Variants in CNTNAP2 observed in about 807,000 individuals in gnomAD.
CNTNAP2 encodes the protein contactin associated protein 2.
CNTNAP2 carries 98 observed loss-of-function variants against 155.2 expected under a neutral mutation model. The ratio of observed to expected loss-of-function variants is 0.63; its 90% CI spans 0.54 to 0.75. CNTNAP2 has a LOEUF of 0.75. CNTNAP2 is among the 30% of genes least tolerant of loss of function. The pLI is 0.00. For synonymous variants in CNTNAP2, 651 were observed against 631.2 expected (o/e 1.03, Z -0.47); for missense variants, 1,727 against 1,688.1 (o/e 1.02, Z -0.40).
At chr7:146,352,131 T>C (rs1292356306) in intron 1 of CNTNAP2, among the ~76,000 whole-genome samples, 1 of 152,214 alleles carries the variant, frequency 6.6e-6, no homozygotes, top group Non-Finnish European at 1.5e-5. Context: ...TTTTTTTATA[T>C]CGCATTAAGA....
chr7:148,073,978 T>A (rs892865365), intron 15 of CNTNAP2, among the ~76,000 whole-genome samples: 3 of 152,084 alleles, frequency 2.0e-5, no homozygotes, highest in Admixed American at 6.6e-5. Context: ...CTGGAACCAA[T>A]CCCCCATAGA....
intron 1 of CNTNAP2, among the ~76,000 whole-genome samples, chr7:146,650,618 C>T (rs1799894421): frequency 6.6e-6 from 1 of 152,138 alleles, no homozygotes; most frequent in East Asian, 1.9e-4. Flanking sequence ...TGCAGCAAAC[C>T]ACCACGCAGT....
At chr7:146,716,588 A>G (rs887187341) in intron 1 of CNTNAP2, among the ~76,000 whole-genome samples, 6 of 152,198 alleles carry the variant, frequency 3.9e-5, no homozygotes, top group Admixed American at 3.9e-4. Context: ...TTTGACACTC[A>G]TTGACCAAAT....
intron 3 of CNTNAP2, among the ~76,000 whole-genome samples, chr7:147,037,453 C>T (rs113127101): frequency 5.5e-5 from 7 of 126,702 alleles, no homozygotes; most frequent in African/African-American, 8.4e-5. Flanking sequence ...TTTTTTTTTT[C>T]CCTTTTTTTT....
intron 13 of CNTNAP2, among the ~76,000 whole-genome samples, chr7:147,739,269 ATCATTATTGTGTATGTGTGTGTTTG>A (rs890763279): frequency 5.3e-5 from 8 of 151,770 alleles, no homozygotes; most frequent in African/African-American, 1.9e-4. Flanking sequence ...TGCTTTTATT[ATCATTATTGTGTATGTGTGTGTTTG>A]TGTGTGTTCA....
Position 147,562,215 on chromosome 7 carries a change from A to G in CNTNAP2, c.1855A>G (p.Ser619Gly). The stretch of plus-strand genomic sequence containing the variant: ...TTATTACTGGATAGATCCTGATGGC[A>G]GCGGACCTCTGGGGCCTCTGAAAGT... ...SNYYWIDPDG[S>G]GPLGPLKVYC... The change falls in exon 12 of 24, where the codon AGC (serine) becomes GGC (glycine). Residue 619 changes from serine (S) to glycine (G), a missense_variant. Physicochemically the swap from Ser to Gly is moderately conservative, Grantham distance 56. Transcript: ENST00000361727. 2.5e-6 allele frequency: 4 copies of G among 1,614,044 alleles called. No individual in the cohort carries two copies. Among genetic ancestry groups the G allele is most frequent in the Non-Finnish European group, 3.4e-6 (4 of 1,179,934 alleles).
intron 3 of CNTNAP2, among the ~76,000 whole-genome samples, chr7:147,032,713 GA>G (rs1226305460): frequency 6.6e-6 from 1 of 151,502 alleles, no homozygotes; most frequent in Non-Finnish European, 1.5e-5. Context: ...AAGAAAGAGA[GA>G]AAAAAAGGAG....
At chr7:146,477,654 C>G (rs1796898674) in intron 1 of CNTNAP2, among the ~76,000 whole-genome samples, 1 of 146,482 alleles carries the variant, frequency 6.8e-6, no homozygotes, top group Non-Finnish European at 1.5e-5. Flanking sequence ...CACACACACA[C>G]ACACACACAC....
At chr7:146,132,367 T>G (rs1044223483) in intron 1 of CNTNAP2, among the ~76,000 whole-genome samples, 3 of 152,218 alleles carry the variant, frequency 2.0e-5, no homozygotes, top group African/African-American at 7.2e-5. Flanking sequence ...TCTGATTCAG[T>G]AAATCTGGAG....
intron 3 of CNTNAP2, among the ~76,000 whole-genome samples, chr7:146,851,481 C>T (rs1004424016): frequency 6.6e-6 from 1 of 152,028 alleles, no homozygotes; most frequent in Non-Finnish European, 1.5e-5. Context: ...GTGGCTCAAA[C>T]AACAGAAATT....
intron 12 of CNTNAP2, among the ~76,000 whole-genome samples, chr7:147,594,183 G>C (rs1348483390): frequency 7.5e-6 from 1 of 134,146 alleles, no homozygotes; most frequent in Admixed American, 8.7e-5. Context: ...CTGGAGTACA[G>C]TGGCCCAGTC....
At chr7:147,892,510 C>T (rs62481219) in intron 13 of CNTNAP2, among the ~76,000 whole-genome samples, 28,943 of 152,154 alleles carry the variant, frequency 0.19, 3,243 homozygotes, top group Middle Eastern at 0.32. Flanking sequence ...CAAGACAAGC[C>T]AGAACCAAGT....
intron 15 of CNTNAP2, among the ~76,000 whole-genome samples, chr7:148,030,432 T>C (rs1044028387): frequency 1.3e-5 from 2 of 152,180 alleles, no homozygotes; most frequent in Non-Finnish European, 2.9e-5. Flanking sequence ...TTGATTGTCT[T>C]TAATAGTTGC....
At chr7:148,142,756 C>A (rs779243797) in intron 16 of CNTNAP2, among the ~76,000 whole-genome samples, 5 of 152,168 alleles carry the variant, frequency 3.3e-5, no homozygotes, top group Non-Finnish European at 7.3e-5. Context: ...GCCAAAAACA[C>A]CTGGTATTGG....
chr7:146,372,421 C>A (rs919553715), intron 1 of CNTNAP2, among the ~76,000 whole-genome samples: 3 of 152,168 alleles, frequency 2.0e-5, no homozygotes, highest in Non-Finnish European at 4.4e-5. Flanking sequence ...TGAACCATTT[C>A]ATACAAAATT....
chr7:146,598,362 G>A (rs1798895229), intron 1 of CNTNAP2, among the ~76,000 whole-genome samples: 4 of 152,030 alleles, frequency 2.6e-5, no homozygotes, highest in Non-Finnish European at 5.9e-5. Context: ...GGCTAGTTGA[G>A]TTCCTGCCTA....
chr7:147,056,644 C>T (rs149787969), intron 4 of CNTNAP2, among the ~76,000 whole-genome samples: 32 of 152,244 alleles, frequency 2.1e-4, no homozygotes, highest in African/African-American at 5.8e-4. Flanking sequence ...AGTTAACGAA[C>T]AAAAGCAAGG....
intron 1 of CNTNAP2, among the ~76,000 whole-genome samples, chr7:146,133,122 G>C (rs533997290): frequency 6.6e-6 from 1 of 150,432 alleles, no homozygotes; most frequent in East Asian, 1.9e-4. Flanking sequence ...GTGTGAGATG[G>C]TATCTCGTTG....
At chr7:146,449,351 G>A (rs551217064) in intron 1 of CNTNAP2, among the ~76,000 whole-genome samples, 16 of 152,000 alleles carry the variant, frequency 1.1e-4, no homozygotes, top group African/African-American at 3.6e-4. Context: ...GTAATTTGTG[G>A]CCCTTTTTTC....
Sources: allele counts gnomAD v4.1 joint callset (sites outside exome capture counted in the v4.1 genomes callset), GRCh38; gene constraint gnomAD v4.1.1; transcripts MANE v1.5; gene names NCBI Gene and HGNC (gene_info 2026-07-23, HGNC 2026-07-21).